The following SCAPER variants were observed in gnomAD, a reference collection of about 807,000 sequenced individuals.
The protein encoded by SCAPER is S-phase cyclin A associated protein in the ER, also known as S phase cyclin A-associated protein in the endoplasmic reticulum.
SCAPER carries 98 observed loss-of-function variants against 182.2 expected under a neutral mutation model. That is an observed-to-expected ratio of 0.54 (90% CI 0.46 to 0.64). The LOEUF (loss-of-function observed/expected upper bound fraction) is 0.64, where lower values mean the gene tolerates loss of function less well. SCAPER is among the 30% of genes least tolerant of loss of function. The pLI is 0.00. For synonymous variants in SCAPER, 605 were observed against 564.6 expected (o/e 1.07, Z -1.01); for missense variants, 1,432 against 1,690.0 (o/e 0.85, Z 2.68).
intron 20 of SCAPER, among the ~76,000 whole-genome samples, chr15:76,680,361 G>A (rs1171309284): frequency 2.7e-5 from 4 of 150,734 alleles, no homozygotes; most frequent in South Asian, 4.2e-4. Context: ...AAATTTCAGA[G>A]CAAAGAATAT....
At position 76,705,944 on chromosome 15, in the gene SCAPER, G is replaced by T. The variant is rs758115331; in HGVS notation, c.2206C>A (p.Gln736Lys). The change falls in exon 18 of 32, where the codon CAA becomes AAA. Residue 736 changes from glutamine to lysine, a missense_variant. By Grantham distance (53) the Gln-to-Lys change is moderately conservative (BLOSUM62 1). This residue lies in a region of SCAPER where 718 missense variants were observed against 799.7 expected (regional missense o/e 0.90). Transcript: ENST00000563290. ...ERLAALTAAQ[Q>K]EAMEELQKKI... ...TTCTGTAACTCTTCCATAGCTTCTT[G>T]TTGAGCAGCTGTGAGTGCTGCCAAT... 9 of 1,564,776 alleles carry T rather than the reference G, an allele frequency of 5.8e-6. No individual in the cohort carries two copies. The South Asian group carries it at 1.1e-4, about 18-fold the overall frequency.
At chr15:76,368,941 G>A (rs1221735895) in intron 29 of SCAPER, among the ~76,000 whole-genome samples, 1 of 152,066 alleles carries the variant, frequency 6.6e-6, no homozygotes, top group East Asian at 1.9e-4. Context: ...AAATGGGAAG[G>A]AATTTAGAAA....
rs543996767 is a variant in SCAPER at position 76,453,109 on chromosome 15, C to T, written c.3078+18103G>A. On this transcript the variant is annotated intron_variant, in intron 25 of 31. Transcript: ENST00000563290. ...TCAGCCTCCTGAGTTGCTGGGATTACAGGTGAGAGCTACTGAACCCAGCTA... is the reference window on the plus strand; with the variant it reads ...TCAGCCTCCTGAGTTGCTGGGATTATAGGTGAGAGCTACTGAACCCAGCTA... 2.0e-5 allele frequency among the ~76,000 whole-genome samples: 3 copies of T among 152,344 alleles called. No homozygotes were observed. The South Asian group carries it at 6.2e-4, about 32-fold the overall frequency.
chr15:76,548,997 A>C (rs1253939980), intron 23 of SCAPER, among the ~76,000 whole-genome samples: 2 of 152,224 alleles, frequency 1.3e-5, no homozygotes, highest in Non-Finnish European at 2.9e-5. Context: ...CTACCATCAG[A>C]GTGAACAGGC....
At chr15:76,818,954 C>T (rs1027397480) in intron 5 of SCAPER, among the ~76,000 whole-genome samples, 13 of 152,250 alleles carry the variant, frequency 8.5e-5, no homozygotes, top group African/African-American at 2.7e-4. Flanking sequence ...GCACATGGCT[C>T]GGAGGGTCCT....
At chr15:76,720,520 G>A (rs915762005) in intron 17 of SCAPER, among the ~76,000 whole-genome samples, 9 of 152,246 alleles carry the variant, frequency 5.9e-5, no homozygotes, top group African/African-American at 1.9e-4. Flanking sequence ...TTCCACAATG[G>A]TTGAACTAGT....
At chr15:76,769,878 C>T (rs539876356) in intron 10 of SCAPER, among the ~76,000 whole-genome samples, 16 of 152,252 alleles carry the variant, frequency 1.1e-4, no homozygotes, top group Non-Finnish European at 1.9e-4. Context: ...GATTATAAAT[C>T]ATTCTACGAT....
rs184484027 is a variant in SCAPER at position 76,567,847 on chromosome 15, T to C, written c.2838+6311A>G. Among the ~76,000 whole-genome samples the C allele has an allele frequency of 3.2e-3, 485 of 152,262 alleles. 3 individuals are homozygous for C. Among genetic ancestry groups the C allele is most frequent in the South Asian group, 0.016 (77 of 4,828 alleles). ...TTGCTACCCTCTTCCTGGTGCCTTT[T>C]GATGAACAAAAGTTCTTATTTTCAG... On this transcript the variant is annotated intron_variant, in intron 23 of 31. Coordinates refer to ENST00000563290, the MANE Select transcript of SCAPER (RefSeq NM_020843.4).
intron 8 of SCAPER, chr15:76,793,212 T>C (rs1158817555): frequency 8.7e-7 from 1 of 1,155,914 alleles, no homozygotes; most frequent in Non-Finnish European, 1.3e-6. Context: ...ACTGTTATTA[T>C]ATATTACTTG....
intron 27 of SCAPER, among the ~76,000 whole-genome samples, chr15:76,387,715 G>C (rs1421300609): frequency 6.6e-6 from 1 of 152,156 alleles, no homozygotes; most frequent in East Asian, 1.9e-4. Context: ...ATAGCTTCAA[G>C]GAGGAGAAAG....
intron 24 of SCAPER, among the ~76,000 whole-genome samples, chr15:76,479,872 T>C (rs2050961435): frequency 6.6e-6 from 1 of 152,206 alleles, no homozygotes; most frequent in South Asian, 2.1e-4. Context: ...TCACAAAATC[T>C]ACATGGGGGA....
Position 76,574,235 on chromosome 15 carries a change from T to G in SCAPER, c.2761A>C (p.Ser921Arg), listed in dbSNP as rs1380187863. The change falls in exon 23 of 32, where the codon AGT (serine) becomes CGT (arginine). Residue 921 changes from serine to arginine, a missense_variant. Coordinates refer to ENST00000563290, the MANE Select transcript of SCAPER (RefSeq NM_020843.4). ...DLLKQVQVQD[S>R]GSWANNKVSA... is the part of the protein sequence containing the mutation. ...ACTTTATTGTTTGCCCATGAGCCAC[T>G]GTCTTGAACTTGTACTTGTTTTAGA... 1 of 1,611,986 alleles carries G rather than the reference T, an allele frequency of 6.2e-7. No homozygotes were observed. Among genetic ancestry groups the G allele is most frequent in the Non-Finnish European group, 8.5e-7 (1 of 1,179,010 alleles).
intron 25 of SCAPER, among the ~76,000 whole-genome samples, chr15:76,442,051 A>C (rs184167684): frequency 1.6e-4 from 25 of 152,252 alleles, no homozygotes; most frequent in Middle Eastern, 3.4e-3. Context: ...ATCTATCTAT[A>C]TATACATGTA....
chr15:76,749,093 C>T (rs927181742), intron 15 of SCAPER, among the ~76,000 whole-genome samples: 4 of 152,000 alleles, frequency 2.6e-5, no homozygotes, highest in Admixed American at 2.6e-4. Context: ...CGGTCATGAA[C>T]ACTGATGCAA....
intron 21 of SCAPER, among the ~76,000 whole-genome samples, chr15:76,641,817 G>A (rs1343361419): frequency 1.3e-5 from 2 of 152,124 alleles, no homozygotes; most frequent in African/African-American, 4.8e-5. Context: ...GAAGGACAAG[G>A]AAAATGGACA....
intron 27 of SCAPER, among the ~76,000 whole-genome samples, chr15:76,383,093 TG>T (rs2043065429): frequency 1.5e-4 from 5 of 32,948 alleles, no homozygotes; most frequent in South Asian, 4.6e-3. Context: ...TAGGTGTGTG[TG>T]TGTGTGTAAA....
chr15:76,879,971 A>C (rs1273476111), intron 2 of SCAPER, among the ~76,000 whole-genome samples: 1 of 152,224 alleles, frequency 6.6e-6, no homozygotes, highest in Non-Finnish European at 1.5e-5. Flanking sequence ...TGTCTGGCAC[A>C]TAAATATGTA....
intron 20 of SCAPER, among the ~76,000 whole-genome samples, chr15:76,698,773 A>G (rs1434796485): frequency 1.3e-5 from 2 of 152,238 alleles, no homozygotes; most frequent in Non-Finnish European, 2.9e-5. Flanking sequence ...TATGAATTTT[A>G]GAATAGTTTT....
chr15:76,532,960 C>T (rs886398148), intron 23 of SCAPER, among the ~76,000 whole-genome samples: 4 of 152,188 alleles, frequency 2.6e-5, no homozygotes, highest in Non-Finnish European at 4.4e-5. Flanking sequence ...CAGAACACTG[C>T]TTTGCACTAG....
Sources: allele counts gnomAD v4.1 joint callset (sites outside exome capture counted in the v4.1 genomes callset), GRCh38; gene constraint gnomAD v4.1.1; regional missense constraint gnomAD v4.1.1; transcripts MANE v1.5; gene names NCBI Gene and HGNC (gene_info 2026-07-23, HGNC 2026-07-21).